Variants in TNFRSF1A observed in about 807,000 individuals in gnomAD.
TNFRSF1A encodes the protein tumor necrosis factor receptor superfamily member 1A.
Under a neutral mutation model 41.6 loss-of-function variants are expected in TNFRSF1A, and 9 were observed. The observed-to-expected ratio is 0.22, with a 90% confidence interval of 0.13 to 0.38. The LOEUF is 0.38. TNFRSF1A is among the 10% of genes least tolerant of loss of function. TNFRSF1A has a pLI of 1.00. For missense variants in TNFRSF1A, 463 were observed against 591.5 expected (o/e 0.78, Z 2.25); for synonymous variants, 254 against 248.6 (o/e 1.02, Z -0.21).
chr12:6,329,429 C>A lies in TNFRSF1A; in HGVS notation c.1251G>T (p.Thr417=), dbSNP rs200473080. ...WRRRTPRREA[T]LELLGRVLRD... ...GGAGCACGCGTCCCAGCAGCTCCAG[C>A]GTGGCCTCGCGCCGCGGCGTGCGCC... Residue 417 remains threonine, a synonymous_variant, in exon 10 of 10, where the codon ACG becomes ACT. Coordinates refer to ENST00000162749, the MANE Select transcript of TNFRSF1A (RefSeq NM_001065.4). 8 of 1,583,272 alleles carry A rather than the reference C, an allele frequency of 5.1e-6. No homozygotes were observed. The highest frequency in any genetic ancestry group is 6.8e-6 in the Non-Finnish European group (8 of 1,171,654).
rs1190087946 is a variant in TNFRSF1A at position 6,337,415 on chromosome 12, G to C, written c.40-3171C>G. Among the ~76,000 whole-genome samples the C allele has an allele frequency of 1.3e-5, 2 of 152,206 alleles. No homozygotes were observed. The highest frequency in any genetic ancestry group is 3.9e-4 in the East Asian group (2 of 5,194). On this transcript the variant is annotated intron_variant, in intron 1 of 9. Coordinates refer to ENST00000162749, the MANE Select transcript of TNFRSF1A (RefSeq NM_001065.4). This position sits in a 1 kb window ranked among gnomAD's most constrained non-coding sequence, Gnocchi z 4.6. ...TGACTTCCTGTGCTGGGGCTGCAGA[G>C]TGGGGAGGCGACGCTGAGATCGGCC...
chr12:6,332,663 C>T (rs1208439232), intron 5 of TNFRSF1A, among the ~76,000 whole-genome samples: 2 of 152,108 alleles, frequency 1.3e-5, no homozygotes, highest in African/African-American at 2.4e-5. Flanking sequence ...AAACCTAAGA[C>T]GCCATCAAGA....
At chr12:6,332,626 A>G (rs1166236329) in intron 5 of TNFRSF1A, among the ~76,000 whole-genome samples, 1 of 152,080 alleles carries the variant, frequency 6.6e-6, no homozygotes. Context: ...CTGGACAGTG[A>G]CTAATGAGGA....
intron 7 of TNFRSF1A, 118 bp downstream of exon 7, chr12:6,330,479 TC>T: frequency 3.0e-6 from 3 of 1,001,848 alleles, no homozygotes; most frequent in Non-Finnish European, 3.1e-6. Flanking sequence ...CTGCCCAGAG[TC>T]CCCAGCGGTA....
intron 1 of TNFRSF1A, among the ~76,000 whole-genome samples, chr12:6,339,768 T>G (rs1419490053): frequency 6.6e-6 from 1 of 152,054 alleles, no homozygotes; most frequent in East Asian, 1.9e-4. Flanking sequence ...TCCTGTTTGC[T>G]TTGCCACAGT....
rs1480982724 is a variant in TNFRSF1A at position 6,342,041 on chromosome 12, C to T, written c.-227G>A. On this transcript the variant is annotated 5_prime_UTR_variant, in exon 1 of 10. Coordinates refer to ENST00000162749, the MANE Select transcript of TNFRSF1A (RefSeq NM_001065.4). Reference sequence around the variant, plus strand: ...CCAGAGAATTCTGAGAAAATTAAAGCAGAGAGGAGGGGAGAGAAGGTGGGA... The same window carrying T: ...CCAGAGAATTCTGAGAAAATTAAAGTAGAGAGGAGGGGAGAGAAGGTGGGA... 4.9e-6 allele frequency: 3 copies of T among 613,048 alleles called. No individual in the cohort carries two copies. Among genetic ancestry groups the T allele is most frequent in the Non-Finnish European group, 8.9e-6 (3 of 337,160 alleles). 38.0% of individuals were successfully genotyped at this position (613,048 alleles called of 1,614,324 possible). A position where few individuals can be genotyped will look rare whatever the true frequency, so the allele number is the denominator to read the frequency against.
chr12:6,339,123 C>T (rs757828911), intron 1 of TNFRSF1A, among the ~76,000 whole-genome samples: 2 of 152,190 alleles, frequency 1.3e-5, no homozygotes, highest in African/African-American at 4.8e-5. Flanking sequence ...TTTCCACTCC[C>T]GAACCAAGGT....
intron 1 of TNFRSF1A, among the ~76,000 whole-genome samples, chr12:6,336,548 G>C (rs996919834): frequency 1.3e-5 from 2 of 150,800 alleles, no homozygotes; most frequent in African/African-American, 2.4e-5. Flanking sequence ...CCCATGCAAA[G>C]AGCCAGGCCA....
chr12:6,341,429 C>T lies in TNFRSF1A; in HGVS notation c.39+347G>A, dbSNP rs1948193325. On this transcript the variant is annotated intron_variant, in intron 1 of 9. Transcript: ENST00000162749. This position sits in a 1 kb window ranked among gnomAD's most constrained non-coding sequence, Gnocchi z 4.6. ...CCCCGAGCACTAATCTTCCTACTCC[C>T]ACTCCCTTCTTTTCCCCGCCAAATC... 6.6e-6 allele frequency among the ~76,000 whole-genome samples: 1 copy of T among 152,218 alleles called. No individual in the cohort carries two copies. The highest frequency in any genetic ancestry group is 6.5e-5 in the Admixed American group (1 of 15,286).
Position 6,333,893 on chromosome 12 carries a change from G to A in TNFRSF1A, c.194-28C>T. On this transcript the variant is annotated intron_variant, in intron 2 of 9. Coordinates refer to ENST00000162749, the MANE Select transcript of TNFRSF1A (RefSeq NM_001065.4). This position sits in a 1 kb window ranked among gnomAD's most constrained non-coding sequence, Gnocchi z 6.3. ...GTGAATGGGGCCGCAGAGTTAGGCTGCGGGTGAGAACACAAGGAAGGAGCC... is the reference window on the plus strand; with the variant it reads ...GTGAATGGGGCCGCAGAGTTAGGCTACGGGTGAGAACACAAGGAAGGAGCC... 1 of 1,601,604 alleles carries A rather than the reference G, an allele frequency of 6.2e-7. No individual in the cohort carries two copies. The highest frequency in any genetic ancestry group is 8.5e-7 in the Non-Finnish European group (1 of 1,173,430).
chr12:6,329,546 T>C lies in TNFRSF1A; in HGVS notation c.1134A>G (p.Leu378=), dbSNP rs1347200386. Reference sequence around the variant, plus strand: ...GATCGATCTCGTGGTCGCTCAGCCCTAGGCGCCGCACGAATTCCTTCCAGC... The same window carrying C: ...GATCGATCTCGTGGTCGCTCAGCCCCAGGCGCCGCACGAATTCCTTCCAGC... ...PLRWKEFVRR[L]GLSDHEIDRL... Residue 378 remains leucine, a synonymous_variant, in exon 10 of 10, where the codon CTA becomes CTG. Transcript: ENST00000162749. The C allele has an allele frequency of 6.3e-6, 10 of 1,593,214 alleles. No homozygotes were observed. Among genetic ancestry groups the C allele is most frequent in the East Asian group, 2.2e-5 (1 of 44,544 alleles).
At position 6,329,948 on chromosome 12, in the gene TNFRSF1A, C is replaced by G. The variant is rs770324989; in HGVS notation, c.887G>C (p.Ser296Thr). The G allele has an allele frequency of 3.5e-5, 55 of 1,573,672 alleles. No individual in the cohort carries two copies. The Middle Eastern group carries it at 9.9e-4, about 28-fold the overall frequency. ...SPVPSSTFTS[S>T]STYTPGDCPN... is the part of the protein sequence containing the mutation. ...ACAGTCACCGGGGGTATAGGTGGAG[C>G]TGGAGGTGAAGGTGGAACTGGGCAC... Residue 296 changes from serine (S) to threonine (T), a missense_variant, in exon 9 of 10, where the codon AGC (serine) becomes ACC (threonine). Physicochemically the swap from Ser to Thr is moderately conservative, Grantham distance 58 (BLOSUM62 1). Around this residue, in one of 4 missense-constraint regions of TNFRSF1A, gnomAD observed 277 missense variants for 288.8 expected, o/e 0.96. Coordinates refer to ENST00000162749, the MANE Select transcript of TNFRSF1A (RefSeq NM_001065.4).
rs745814061 is a variant in TNFRSF1A, at chr12:6,329,368, C to T, written c.1312G>A (p.Glu438Lys). ...GCGGCGGGGCCGCAAAGCGCCTCCT[C>T]GATGTCCTCCAGGCAGCCCAGCAGG... ...MDLLGCLEDI[E>K]EALCGPAALP... Residue 438 changes from glutamate (E) to lysine (K), a missense_variant, in exon 10 of 10, where the codon GAG (glutamate) becomes AAG (lysine). Around this residue, in one of 4 missense-constraint regions of TNFRSF1A, gnomAD observed 277 missense variants for 288.8 expected, o/e 0.96. Coordinates refer to ENST00000162749, the MANE Select transcript of TNFRSF1A (RefSeq NM_001065.4). 11 of 1,505,384 alleles carry T rather than the reference C, an allele frequency of 7.3e-6. No individual in the cohort carries two copies. The Admixed American group carries it at 2.2e-4, about 30-fold the overall frequency. The allele number at this position is 1,505,384 out of a possible 1,614,324, so 93.3% of individuals were successfully genotyped here. A position where few individuals can be genotyped will look rare whatever the true frequency, so the allele number is the denominator to read the frequency against.
intron 7 of TNFRSF1A, 91 bp from the exon 8 acceptor site, chr12:6,330,386 C>T: frequency 7.6e-7 from 1 of 1,311,156 alleles, no homozygotes. Context: ...CTTGTGGTGA[C>T]ATGCCTCAGG....
chr12:6,332,223 T>C (rs1592046280), intron 5 of TNFRSF1A, among the ~76,000 whole-genome samples: 3 of 151,772 alleles, frequency 2.0e-5, no homozygotes, highest in African/African-American at 7.2e-5. Flanking sequence ...GAAGATCGCT[T>C]GAGCCCAGGA....
chr12:6,338,581 T>A (rs1217041474), intron 1 of TNFRSF1A, among the ~76,000 whole-genome samples: 1 of 49,792 alleles, frequency 2.0e-5, no homozygotes, highest in African/African-American at 7.1e-5. Context: ...CCTCACTACT[T>A]TTTTTTTTTT....
chr12:6,335,712 T>C (rs1231800473), intron 1 of TNFRSF1A, among the ~76,000 whole-genome samples: 1 of 152,050 alleles, frequency 6.6e-6, no homozygotes, highest in East Asian at 1.9e-4. Context: ...ACAGAAACCC[T>C]AGGGCAGGGA....
intron 5 of TNFRSF1A, 107 bp downstream of exon 5, chr12:6,332,962 G>A: frequency 1.0e-6 from 1 of 980,912 alleles, no homozygotes. Context: ...AGGACCCTGA[G>A]CACTCTGGGG....
rs75304026 is a variant in TNFRSF1A, at chr12:6,341,705, C to G, written c.39+71G>C. 1.9e-6 allele frequency: 3 copies of G among 1,575,688 alleles called. No homozygotes were observed. The highest frequency in any genetic ancestry group is 2.6e-6 in the Non-Finnish European group (3 of 1,151,084). The stretch of plus-strand genomic sequence containing the variant: ...GGGCAGGAGAGGCTCGGCCCCCTCC[C>G]GGAGAGGGCCCACGCCAGCCGGAAG... On this transcript the variant is annotated intron_variant, in intron 1 of 9. Transcript: ENST00000162749. The surrounding 1 kb of genome is among the most constrained non-coding windows in gnomAD (Gnocchi z 4.6).
Sources: gnomAD v4.1 joint callset for allele counts (sites outside exome capture counted in the v4.1 genomes callset) on GRCh38, gnomAD v4.1.1 for gene constraint, gnomAD v4.1.1 regional missense constraint, Gnocchi (gnomAD v3.1) non-coding constraint, MANE v1.5 for transcripts, NCBI Gene and HGNC (gene_info 2026-07-23, HGNC 2026-07-21) for gene names.